Variants in NRROS observed in about 807,000 individuals in gnomAD.
NRROS encodes negative regulator of reactive oxygen species, also known as transforming growth factor beta activator LRRC33.
In NRROS, 6 loss-of-function variants were observed where a neutral mutation model predicts 12.0. The observed-to-expected ratio is 0.50, with a 90% CI of 0.27 to 0.98. NRROS has a LOEUF of 0.98. Among genes scored for constraint, NRROS ranks in the 50% least tolerant of loss-of-function variants. The probability of loss-of-function intolerance (pLI) is 0.11; values close to 1 mark genes in which losing one functional copy is unlikely to be tolerated. For synonymous variants in NRROS, 462 were observed against 410.2 expected, an observed-to-expected ratio of 1.13 and a Z score of -1.53; for missense variants, 857 against 888.2, an observed-to-expected ratio of 0.96 and a Z score of 0.45.
Position 196,660,420 on chromosome 3 carries a change from C to A in NRROS, c.777C>A (p.His259Gln). The change falls in exon 3 of 3, where the codon CAC (histidine) becomes CAA (glutamine). Residue 259 changes from histidine to glutamine, a missense_variant. By Grantham distance (24) the His-to-Gln change is conservative (BLOSUM62 0). Transcript: ENST00000328557. This position sits in a 1 kb window ranked among gnomAD's most constrained non-coding sequence, Gnocchi z 7.7. ...AFELETLDLSHNQLLFFPLLP... is the reference protein window; with the variant it reads ...AFELETLDLSQNQLLFFPLLP... The stretch of plus-strand genomic sequence containing the variant: ...AGCTGGAGACGCTGGACCTGTCTCA[C>A]AACCAGCTGCTGTTCTTCCCGCTGC... 1 of 1,613,936 alleles carries A rather than the reference C, an allele frequency of 6.2e-7. No individual in the cohort carries two copies. The highest frequency in any genetic ancestry group is 1.6e-4 in the Middle Eastern group (1 of 6,062).
In NRROS at chr3:196,660,724, C is replaced by T. The variant is rs779805511; in HGVS notation, c.1081C>T (p.Gln361Ter). 6.2e-7 allele frequency: 1 copy of T among 1,614,052 alleles called. No individual in the cohort carries two copies. The highest frequency in any genetic ancestry group is 8.5e-7 in the Non-Finnish European group (1 of 1,180,040). Residue 361 changes from glutamine (Q) to a stop codon, truncating the protein, a stop_gained, in exon 3 of 3, where the codon CAG becomes TAG. Coordinates refer to ENST00000328557, the MANE Select transcript of NRROS (RefSeq NM_198565.3). LOFTEE classifies it low-confidence loss of function (END_TRUNC). The surrounding 1 kb of genome is among the most constrained non-coding windows in gnomAD (Gnocchi z 7.7). Reference sequence around the variant, plus strand: ...TTCCCTCTCCCACCTGAACCTCCACCAGAATTGCCTGATGACGCTTCACAT... The same window carrying T: ...TTCCCTCTCCCACCTGAACCTCCACTAGAATTGCCTGATGACGCTTCACAT... ...MPSLSHLNLH[Q>*]NCLMTLHIRE...
chr3:196,657,970 G>A (rs1001369937), intron 2 of NRROS, among the ~76,000 whole-genome samples: 6 of 152,020 alleles, frequency 3.9e-5, no homozygotes, highest in Admixed American at 1.3e-4. Flanking sequence ...GAAAAAAAAC[G>A]CTATGCGAAA....
chr3:196,649,088 G>T (rs1181491835), intron 1 of NRROS, among the ~76,000 whole-genome samples: 1 of 152,228 alleles, frequency 6.6e-6, no homozygotes, highest in African/African-American at 2.4e-5. Flanking sequence ...CACCACGGGG[G>T]TGTTGAGTTT....
intron 2 of NRROS, among the ~76,000 whole-genome samples, chr3:196,658,948 T>C (rs1408079289): frequency 6.6e-6 from 1 of 152,106 alleles, no homozygotes; most frequent in South Asian, 2.1e-4. Flanking sequence ...CCAGCCTGGG[T>C]GACAGGGTAA....
chr3:196,661,221 C>G lies in NRROS; in HGVS notation c.1578C>G (p.Ser526Arg). The change falls in exon 3 of 3, where the codon AGC (serine) becomes AGG (arginine). Residue 526 changes from serine (S) to arginine (R), a missense_variant. Physicochemically the swap from Ser to Arg is moderately radical, Grantham distance 110 (BLOSUM62 -1). Coordinates refer to ENST00000328557, the MANE Select transcript of NRROS (RefSeq NM_198565.3). ...LSLRNMGLHS[S>R]FMALDFSGFG... ...TCAGGAACATGGGCCTCCACTCCAGCTTTATGGCGTTGGACTTCTCTGGGT... is the reference window on the plus strand; with the variant it reads ...TCAGGAACATGGGCCTCCACTCCAGGTTTATGGCGTTGGACTTCTCTGGGT... 2 of 1,613,952 alleles carry G rather than the reference C, an allele frequency of 1.2e-6. No individual in the cohort carries two copies. Among genetic ancestry groups the G allele is most frequent in the East Asian group, 2.2e-5 (1 of 44,870 alleles).
chr3:196,646,381 A>G lies in NRROS; in HGVS notation c.-14+6506A>G, dbSNP rs1737311958. Among the ~76,000 whole-genome samples, 3 of 152,214 alleles carry G rather than the reference A, an allele frequency of 2.0e-5. No individual in the cohort carries two copies. The South Asian group carries it at 6.2e-4, about 31-fold the overall frequency. Reference sequence around the variant, plus strand: ...GGTTGAGCGCCTATCAGCAGAGATTATGTGGGTCTCTCCTATAGAAAGGTG... The same window carrying G: ...GGTTGAGCGCCTATCAGCAGAGATTGTGTGGGTCTCTCCTATAGAAAGGTG... On this transcript the variant is annotated intron_variant, in intron 1 of 2. Coordinates refer to ENST00000328557, the MANE Select transcript of NRROS (RefSeq NM_198565.3).
rs562721239 is a variant in NRROS, at chr3:196,642,668, G to A, written c.-14+2793G>A. Among the ~76,000 whole-genome samples the A allele has an allele frequency of 6.6e-5, 10 of 152,348 alleles. No individual in the cohort carries two copies. The South Asian group carries it at 2.1e-3, about 32-fold the overall frequency. On this transcript the variant is annotated intron_variant, in intron 1 of 2. Coordinates refer to ENST00000328557, the MANE Select transcript of NRROS (RefSeq NM_198565.3). Reference sequence around the variant, plus strand: ...CATAGGCCCCGCCCTGGAACCAGGAGCTGGGATCAGACCCGAACACACAGA... The same window carrying A: ...CATAGGCCCCGCCCTGGAACCAGGAACTGGGATCAGACCCGAACACACAGA...
At chr3:196,648,848 T>C (rs905853996) in intron 1 of NRROS, among the ~76,000 whole-genome samples, 2 of 151,272 alleles carry the variant, frequency 1.3e-5, no homozygotes, top group African/African-American at 4.9e-5. Context: ...CTTAGTCACT[T>C]GTAATCTAGA....
In NRROS at chr3:196,654,512, G is replaced by C. The variant is rs1459049559; in HGVS notation, c.-13-15G>C. On this transcript the variant is annotated splice_polypyrimidine_tract_variant and intron_variant, in intron 1 of 2. Coordinates refer to ENST00000328557, the MANE Select transcript of NRROS (RefSeq NM_198565.3). This position sits in a 1 kb window ranked among gnomAD's most constrained non-coding sequence, Gnocchi z 4.4. Reference sequence around the variant, plus strand: ...TCCTTCTCTGACTTACCTCTTCCCTGCTCTCTGTCCACAGGGCTGCCCTTG... The same window carrying C: ...TCCTTCTCTGACTTACCTCTTCCCTCCTCTCTGTCCACAGGGCTGCCCTTG... 1 of 1,470,688 alleles carries C rather than the reference G, an allele frequency of 6.8e-7. No homozygotes were observed. Among genetic ancestry groups the C allele is most frequent in the Non-Finnish European group, 9.5e-7 (1 of 1,049,290 alleles). The allele number at this position is 1,470,688 out of a possible 1,614,324, so 91.1% of individuals were successfully genotyped here.
chr3:196,659,650 C>G lies in NRROS; in HGVS notation c.109-102C>G, dbSNP rs548668476. The G allele has an allele frequency of 1.3e-5, 16 of 1,197,912 alleles. No individual in the cohort carries two copies. In the South Asian group the frequency reaches 2.4e-4, roughly 18 times the overall value. 74.2% of individuals were successfully genotyped at this position (1,197,912 alleles called of 1,614,324 possible). A position where few individuals can be genotyped will look rare whatever the true frequency, so the allele number is the denominator to read the frequency against. On this transcript the variant is annotated intron_variant, in intron 2 of 2. Coordinates refer to ENST00000328557, the MANE Select transcript of NRROS (RefSeq NM_198565.3). ...TAAAATGAACATCTCTAGAGCCATC[C>G]CCGGCGGTTGCAGGGACAGTCTGAT...
chr3:196,654,922 C>A lies in NRROS; in HGVS notation c.108+275C>A, dbSNP rs1202301164. 2.8e-6 allele frequency: 1 copy of A among 358,736 alleles called. No individual in the cohort carries two copies. Among genetic ancestry groups the A allele is most frequent in the Non-Finnish European group, 5.0e-6 (1 of 198,532 alleles). 22.2% of individuals were successfully genotyped at this position (358,736 alleles called of 1,614,324 possible). A position where few individuals can be genotyped will look rare whatever the true frequency, so the allele number is the denominator to read the frequency against. ...ACCAGCCTAGGGCATCCTCCCGGAA[C>A]AAGAACAACTTGTTAAAAATCTGGA... is the stretch of plus-strand genomic sequence containing the variant. On this transcript the variant is annotated intron_variant, in intron 2 of 2. Transcript: ENST00000328557. The surrounding 1 kb of genome is among the most constrained non-coding windows in gnomAD (Gnocchi z 4.4).
In NRROS at chr3:196,645,856, G is replaced by A. The variant is rs375351053; in HGVS notation, c.-14+5981G>A. Among the ~76,000 whole-genome samples, 11 of 152,124 alleles carry A rather than the reference G, an allele frequency of 7.2e-5. No homozygotes were observed. In the East Asian group the frequency reaches 2.1e-3, roughly 29 times the overall value. On this transcript the variant is annotated intron_variant, in intron 1 of 2. Transcript: ENST00000328557. Reference sequence around the variant, plus strand: ...AGGGTCCACACGCTGCAGCTCCCAGGGGTGGGAGAAGGGACGAAAGCTCCT... The same window carrying A: ...AGGGTCCACACGCTGCAGCTCCCAGAGGTGGGAGAAGGGACGAAAGCTCCT...
chr3:196,658,850 A>G (rs771213671), intron 2 of NRROS, among the ~76,000 whole-genome samples: 17 of 152,080 alleles, frequency 1.1e-4, no homozygotes, highest in South Asian at 2.1e-4. Context: ...TGTGCCTGTA[A>G]TCCCAGCTAC....
intron 1 of NRROS, among the ~76,000 whole-genome samples, chr3:196,646,760 G>A (rs1737321131): frequency 6.6e-6 from 1 of 152,206 alleles, no homozygotes; most frequent in Admixed American, 6.5e-5. Context: ...TTCCCAGAGA[G>A]TCTCTCGCCA....
In NRROS at chr3:196,654,841, C is replaced by T. The variant is rs1034412506; in HGVS notation, c.108+194C>T. On this transcript the variant is annotated intron_variant, in intron 2 of 2. Coordinates refer to ENST00000328557, the MANE Select transcript of NRROS (RefSeq NM_198565.3). The surrounding 1 kb of genome is among the most constrained non-coding windows in gnomAD (Gnocchi z 4.4). ...ATTTTAAGATGCTTCCTGGGAAGAG[C>T]CAGGCAGTCCCTGCCCCGCCGTTCT... 26 of 562,240 alleles carry T rather than the reference C, an allele frequency of 4.6e-5. No homozygotes were observed. Among genetic ancestry groups the T allele is most frequent in the Non-Finnish European group, 7.6e-5 (24 of 317,864 alleles). The allele number at this position is 562,240 out of a possible 1,614,324, so 34.8% of individuals were successfully genotyped here.
chr3:196,661,287 G>A lies in NRROS; in HGVS notation c.1644G>A (p.Leu548=). The A allele has an allele frequency of 6.2e-7, 1 of 1,612,374 alleles. No individual in the cohort carries two copies. Among genetic ancestry groups the A allele is most frequent in the Non-Finnish European group, 8.5e-7 (1 of 1,179,122 alleles). ...LRDLDLSGNC[L]TTFPRFGGSL... ...ACTTAGATCTGTCGGGGAATTGCTT[G>A]ACCACCTTCCCAAGGTTTGGGGGCA... Residue 548 remains leucine, a synonymous_variant, in exon 3 of 3, where the codon TTG becomes TTA. Transcript: ENST00000328557.
intron 1 of NRROS, among the ~76,000 whole-genome samples, chr3:196,650,040 C>G (rs1425121175): frequency 6.6e-6 from 1 of 152,190 alleles, no homozygotes; most frequent in Non-Finnish European, 1.5e-5. Context: ...GAGGCCGTCA[C>G]TCTGGCCGGG....
chr3:196,652,845 C>G (rs570497552), intron 1 of NRROS, among the ~76,000 whole-genome samples: 1 of 152,124 alleles, frequency 6.6e-6, no homozygotes, highest in African/African-American at 2.4e-5. Flanking sequence ...AGGTACCACC[C>G]CACACCTGAC....
intron 1 of NRROS, among the ~76,000 whole-genome samples, chr3:196,648,307 G>A (rs182506727): frequency 3.9e-5 from 6 of 152,270 alleles, no homozygotes; most frequent in Non-Finnish European, 8.8e-5. Flanking sequence ...TTCCCTGTAA[G>A]TGCTTCAGCA....
Sources: gnomAD v4.1 joint callset for allele counts (sites outside exome capture counted in the v4.1 genomes callset) on GRCh38, gnomAD v4.1.1 for gene constraint, Gnocchi (gnomAD v3.1) non-coding constraint, MANE v1.5 for transcripts, NCBI Gene and HGNC (gene_info 2026-07-23, HGNC 2026-07-21) for gene names.